KHDRBS2: variants seen among roughly 807,000 people sequenced by gnomAD.
KHDRBS2 encodes KH RNA binding domain containing, signal transduction associated 2.
In KHDRBS2, 26 loss-of-function variants were observed where a neutral mutation model predicts 44.3. That is an observed-to-expected ratio of 0.59 (90% CI 0.43 to 0.81). The LOEUF is 0.81. Ranked by LOEUF, KHDRBS2 falls within the 40% of genes least tolerant of loss-of-function variation. The probability of loss-of-function intolerance (pLI) is 0.00; values close to 1 mark genes in which losing one functional copy is unlikely to be tolerated. For missense variants in KHDRBS2, 476 were observed against 433.1 expected (o/e 1.10, Z -0.88); for synonymous variants, 194 against 151.1 (o/e 1.28, Z -2.08).
the KHDRBS2 span, among the ~76,000 whole-genome samples, chr6:61,605,323 C>G: frequency 1.3e-5 from 2 of 152,162 alleles, no homozygotes; most frequent in Admixed American, 6.5e-5. Flanking sequence ...CTTGTTTACA[C>G]TGCTGGATTA....
chr6:61,644,053 T>C, the KHDRBS2 span, among the ~76,000 whole-genome samples: 3 of 152,124 alleles, frequency 2.0e-5, no homozygotes, highest in Non-Finnish European at 4.4e-5. Flanking sequence ...GACTTCAAAC[T>C]ATACTATAGG....
At chr6:61,978,691 A>T (rs545130692) in intron 3 of KHDRBS2, among the ~76,000 whole-genome samples, 1 of 152,234 alleles carries the variant, frequency 6.6e-6, no homozygotes, top group East Asian at 1.9e-4. Context: ...GGGTAACTAT[A>T]CAAGTCAAGG....
chr6:62,013,146 A>C (rs1427381020), intron 3 of KHDRBS2, among the ~76,000 whole-genome samples: 1 of 152,196 alleles, frequency 6.6e-6, no homozygotes, highest in Non-Finnish European at 1.5e-5. Context: ...TATGGAGCCC[A>C]TGTTAATTGA....
chr6:61,733,292 T>C (rs1035897512), intron 6 of KHDRBS2, among the ~76,000 whole-genome samples: 1 of 150,796 alleles, frequency 6.6e-6, no homozygotes, highest in African/African-American at 2.4e-5. Context: ...AAAGAAGGAG[T>C]GAAATAAAGA....
At chr6:61,955,920 T>A (rs1359927842) in intron 4 of KHDRBS2, among the ~76,000 whole-genome samples, 1 of 152,064 alleles carries the variant, frequency 6.6e-6, no homozygotes, top group Non-Finnish European at 1.5e-5. Flanking sequence ...ACTTTGCCCA[T>A]AGCTACAGCT....
intron 3 of KHDRBS2, among the ~76,000 whole-genome samples, chr6:62,037,330 G>A (rs990205686): frequency 5.9e-5 from 9 of 151,770 alleles, no homozygotes; most frequent in African/African-American, 1.7e-4. Context: ...CTCGATTTGA[G>A]TGAATCTGAT....
intron 8 of KHDRBS2, among the ~76,000 whole-genome samples, chr6:61,696,902 A>G (rs1410455904): frequency 6.6e-6 from 1 of 152,184 alleles, no homozygotes; most frequent in Non-Finnish European, 1.5e-5. Flanking sequence ...TGCCAAATCA[A>G]TGAGTCAGAC....
intron 6 of KHDRBS2, among the ~76,000 whole-genome samples, chr6:61,741,821 A>G (rs1776177726): frequency 6.6e-6 from 1 of 151,984 alleles, no homozygotes; most frequent in African/African-American, 2.4e-5. Flanking sequence ...AGAAATTTAA[A>G]TGATATGAAA....
intron 1 of KHDRBS2, among the ~76,000 whole-genome samples, chr6:62,218,133 A>G (rs533006234): frequency 2.1e-4 from 32 of 151,892 alleles, no homozygotes; most frequent in African/African-American, 7.7e-4. Flanking sequence ...TACAGGGATG[A>G]AATGTGGAGT....
At chr6:61,658,167 T>G in the KHDRBS2 span, among the ~76,000 whole-genome samples, 3 of 151,878 alleles carry the variant, frequency 2.0e-5, no homozygotes, top group African/African-American at 7.2e-5. Flanking sequence ...TGTGATTAGA[T>G]TTCCTTATTA....
intron 7 of KHDRBS2, among the ~76,000 whole-genome samples, chr6:61,714,652 G>T (rs1201887877): frequency 6.6e-6 from 1 of 151,860 alleles, no homozygotes; most frequent in Non-Finnish European, 1.5e-5. Context: ...CAACCTAAGT[G>T]TCAATCAGTG....
rs1335390337 is a variant in KHDRBS2 at position 62,003,953 on chromosome 6, A to G, written c.337-25741T>C. Among the ~76,000 whole-genome samples, 8 of 152,346 alleles carry G rather than the reference A, an allele frequency of 5.3e-5. No individual in the cohort carries two copies. The East Asian group carries it at 1.3e-3, about 26-fold the overall frequency. The stretch of plus-strand genomic sequence containing the variant: ...AGAAATACAGATGTTCTTTGAAACC[A>G]ATGAGAACAAAGACACAACGTACCA... On this transcript the variant is annotated intron_variant, in intron 3 of 8. Transcript: ENST00000281156.
intron 6 of KHDRBS2, among the ~76,000 whole-genome samples, chr6:61,851,198 A>AT (rs1554238630): frequency 5.9e-5 from 9 of 151,888 alleles, no homozygotes; most frequent in African/African-American, 2.2e-4. Context: ...ATGAGAAAAA[A>AT]ATATATATAT....
At chr6:61,916,573 G>A (rs1807047145) in intron 4 of KHDRBS2, among the ~76,000 whole-genome samples, 1 of 151,910 alleles carries the variant, frequency 6.6e-6, no homozygotes, top group Non-Finnish European at 1.5e-5. Context: ...AATGTATCTG[G>A]ATTTCAAGAG....
chr6:62,213,007 A>C (rs1252256002), intron 1 of KHDRBS2, among the ~76,000 whole-genome samples: 2 of 152,154 alleles, frequency 1.3e-5, no homozygotes, highest in Non-Finnish European at 2.9e-5. Context: ...GGAAGACTTA[A>C]AGACAGGGGA....
Position 61,691,195 on chromosome 6 carries a change from T to C in KHDRBS2, c.952+6000A>G, listed in dbSNP as rs16898878. ...CACCTAAAACTGTTGGATTAAGGAG[T>C]GCATTATTCAAAACAAAATTGAAAC... is the stretch of plus-strand genomic sequence containing the variant. On this transcript the variant is annotated intron_variant, in intron 8 of 8. Coordinates refer to ENST00000281156, the MANE Select transcript of KHDRBS2 (RefSeq NM_152688.4). 7.7e-3 allele frequency among the ~76,000 whole-genome samples: 1,173 copies of C among 152,092 alleles called. 41 individuals are homozygous for C. The highest frequency in any genetic ancestry group is 0.062 in the Admixed American group (949 of 15,252).
chr6:61,932,268 T>C (rs1024087588), intron 4 of KHDRBS2, among the ~76,000 whole-genome samples: 5 of 152,218 alleles, frequency 3.3e-5, no homozygotes, highest in African/African-American at 1.2e-4. Flanking sequence ...TTAGTTTACA[T>C]AGTTATAATT....
chr6:62,062,436 C>T (rs6937687), intron 2 of KHDRBS2, among the ~76,000 whole-genome samples: 3,685 of 151,134 alleles, frequency 0.024, 156 homozygotes, highest in African/African-American at 0.084. Flanking sequence ...ATCTCTCAGA[C>T]CACAGTGCAA....
chr6:61,872,414 T>G (rs1263737665), intron 6 of KHDRBS2, among the ~76,000 whole-genome samples: 1 of 151,914 alleles, frequency 6.6e-6, no homozygotes, highest in Non-Finnish European at 1.5e-5. Context: ...ATAAGAAAAA[T>G]AAGAAATATT....
Sources: gnomAD v4.1 joint callset for allele counts (sites outside exome capture counted in the v4.1 genomes callset) on GRCh38, gnomAD v4.1.1 for gene constraint, MANE v1.5 for transcripts, NCBI Gene and HGNC (gene_info 2026-07-23, HGNC 2026-07-21) for gene names.